The following NCOA7 variants were observed in gnomAD, a reference collection of about 807,000 sequenced individuals.
NCOA7 encodes 140 kDa estrogen receptor-associated protein.
NCOA7 carries 45 observed loss-of-function variants against 104.3 expected under a neutral mutation model. The observed-to-expected ratio is 0.43, with a 90% CI of 0.34 to 0.55. The LOEUF (loss-of-function observed/expected upper bound fraction) is 0.55. NCOA7 is among the 20% of genes least tolerant of loss of function. The pLI is 0.02. For missense variants in NCOA7, 1,041 were observed against 1,119.7 expected (o/e 0.93, Z 1.00); for synonymous variants, 398 against 402.3 (o/e 0.99, Z 0.13).
rs1349442308 is a variant in NCOA7 at position 125,881,195 on chromosome 6, A to G, written c.565A>G (p.Lys189Glu). 3.7e-6 allele frequency: 6 copies of G among 1,606,840 alleles called. No individual in the cohort carries two copies. Among genetic ancestry groups the G allele is most frequent in the Non-Finnish European group, 5.1e-6 (6 of 1,173,468 alleles). Residue 189 changes from lysine to glutamate, a missense_variant, in exon 6 of 16, where the codon AAA (lysine) becomes GAA (glutamate). By Grantham distance (56) the Lys-to-Glu change is moderately conservative. Around this residue, in one of 2 missense-constraint regions of NCOA7, gnomAD observed 914 missense variants for 942.7 expected, o/e 0.97. Transcript: ENST00000392477. ...SPSSSDAEYDKLPDADLARKA... is the reference protein window; with the variant it reads ...SPSSSDAEYDELPDADLARKA... ...TTCATCATCAGATGCAGAATATGAT[A>G]AATTGCCTGTATGTATATTATGCAC...
chr6:125,826,923 C>T (rs944776326), intron 2 of NCOA7, among the ~76,000 whole-genome samples: 2 of 151,978 alleles, frequency 1.3e-5, no homozygotes, highest in African/African-American at 2.4e-5. Flanking sequence ...GTGGGCTGGG[C>T]GCGGTGACCC....
rs1342435865 is a variant in NCOA7 at position 125,895,865 on chromosome 6, A to T, written c.2096+5055A>T. On this transcript the variant is annotated intron_variant, in intron 10 of 15. Transcript: ENST00000392477. ...CCCACGACCCAAACACCTCCCACCA[A>T]CCCTCACCTCCAACACTGGGGATTA... Among the ~76,000 whole-genome samples, 2 of 151,314 alleles carry T rather than the reference A, an allele frequency of 1.3e-5. 1 individual carries two copies. The highest frequency in any genetic ancestry group is 1.3e-4 in the Admixed American group (2 of 15,152).
intron 12 of NCOA7, among the ~76,000 whole-genome samples, chr6:125,921,736 A>G (rs113064132): frequency 5.9e-5 from 9 of 152,330 alleles, no homozygotes; most frequent in South Asian, 2.1e-4. Context: ...GCTTTGATGT[A>G]TAGGGCTCAA....
At chr6:125,818,052 C>A (rs1777758304) in intron 2 of NCOA7, among the ~76,000 whole-genome samples, 1 of 151,026 alleles carries the variant, frequency 6.6e-6, no homozygotes, top group African/African-American at 2.4e-5. Flanking sequence ...TCTTCCTCCT[C>A]CCCCTTCCCG....
chr6:125,889,407 G>A lies in NCOA7; in HGVS notation c.1353G>A (p.Glu451=). ...SLDPEERKKA[E]SQINNSAVEM... The stretch of plus-strand genomic sequence containing the variant: ...ACCCAGAGGAACGAAAGAAAGCTGA[G>A]TCACAAATAAACAATTCTGCCGTGG... The change falls in exon 9 of 16, where the codon GAG becomes GAA. Residue 451 remains glutamate (E), a synonymous_variant. Coordinates refer to ENST00000392477, the MANE Select transcript of NCOA7 (RefSeq NM_181782.5). The A allele has an allele frequency of 3.1e-6, 5 of 1,613,868 alleles. No individual in the cohort carries two copies. Among genetic ancestry groups the A allele is most frequent in the Non-Finnish European group, 4.2e-6 (5 of 1,179,920 alleles).
intron 8 of NCOA7, 52 bp from the exon 9 acceptor site, chr6:125,888,887 T>C: frequency 7.2e-7 from 1 of 1,396,778 alleles, no homozygotes; most frequent in Non-Finnish European, 9.5e-7. Context: ...CCATTTTGTT[T>C]TTGGTTTTAT....
chr6:125,926,708 G>A (rs1222965120), intron 13 of NCOA7, among the ~76,000 whole-genome samples: 6 of 152,120 alleles, frequency 3.9e-5, no homozygotes, highest in Non-Finnish European at 8.8e-5. Context: ...AGTGTAAGTG[G>A]TGAAGAAGAC....
chr6:125,815,832 G>C (rs535974394), intron 2 of NCOA7, among the ~76,000 whole-genome samples: 2 of 152,196 alleles, frequency 1.3e-5, no homozygotes, highest in Non-Finnish European at 2.9e-5. Context: ...ATTTTTGTAG[G>C]TAGGTGAAAT....
intron 2 of NCOA7, among the ~76,000 whole-genome samples, chr6:125,838,994 C>T (rs1041965034): frequency 2.6e-5 from 4 of 152,102 alleles, no homozygotes; most frequent in Non-Finnish European, 4.4e-5. Flanking sequence ...GCACCACCTT[C>T]GCAGACGCAT....
intron 10 of NCOA7, among the ~76,000 whole-genome samples, chr6:125,913,113 T>C (rs1302678155): frequency 6.6e-5 from 10 of 152,320 alleles, no homozygotes; most frequent in African/African-American, 2.4e-4. Context: ...GAGTAGTTTA[T>C]TGTATAACAT....
At chr6:125,838,632 T>G (rs1467028505) in intron 2 of NCOA7, among the ~76,000 whole-genome samples, 1 of 152,104 alleles carries the variant, frequency 6.6e-6, no homozygotes, top group African/African-American at 2.4e-5. Flanking sequence ...ACCAGTTGAG[T>G]GTCCAACAAT....
chr6:125,887,757 A>G (rs1272613496), intron 8 of NCOA7, among the ~76,000 whole-genome samples: 2 of 152,238 alleles, frequency 1.3e-5, no homozygotes, highest in Admixed American at 1.3e-4. Context: ...TTTAGAAAAT[A>G]CAATTATTTC....
chr6:125,923,713 C>A (rs188856989), intron 13 of NCOA7, among the ~76,000 whole-genome samples: 74 of 152,318 alleles, frequency 4.9e-4, no homozygotes, highest in Non-Finnish European at 8.8e-4. Context: ...CAGCAAATAT[C>A]TAATTAGAGC....
At chr6:125,841,736 C>A (rs1417848737) in intron 2 of NCOA7, among the ~76,000 whole-genome samples, 2 of 152,054 alleles carry the variant, frequency 1.3e-5, no homozygotes, top group African/African-American at 2.4e-5. Context: ...GTCTACCACC[C>A]CAGAAATTCT....
chr6:125,892,685 A>C (rs1207549497), intron 10 of NCOA7, among the ~76,000 whole-genome samples: 1 of 152,152 alleles, frequency 6.6e-6, no homozygotes, highest in African/African-American at 2.4e-5. Context: ...AAAAACAAAC[A>C]AATAAACAAA....
At chr6:125,849,335 C>G (rs1780915894) in intron 2 of NCOA7, among the ~76,000 whole-genome samples, 2 of 152,160 alleles carry the variant, frequency 1.3e-5, no homozygotes, top group South Asian at 4.1e-4. Flanking sequence ...CCAAGAGATT[C>G]CAGAATTTAA....
At chr6:125,824,395 T>C (rs570325166) in intron 2 of NCOA7, among the ~76,000 whole-genome samples, 1 of 152,328 alleles carries the variant, frequency 6.6e-6, no homozygotes, top group East Asian at 1.9e-4. Context: ...CTTACTACTG[T>C]GGAGCTTTGG....
intron 3 of NCOA7, among the ~76,000 whole-genome samples, chr6:125,871,712 A>G (rs937732038): frequency 6.6e-6 from 1 of 152,104 alleles, no homozygotes; most frequent in Non-Finnish European, 1.5e-5. Context: ...AATACAAGAC[A>G]AGGCCAGGTG....
upstream of NCOA7, among the ~76,000 whole-genome samples, chr6:125,788,734 C>T (rs750327937): frequency 2.8e-4 from 37 of 133,336 alleles, no homozygotes; most frequent in Non-Finnish European, 5.2e-4. Context: ...AGTAGAGATG[C>T]GGTTTCACCA....
Sources: allele counts gnomAD v4.1 joint callset (sites outside exome capture counted in the v4.1 genomes callset), GRCh38; gene constraint gnomAD v4.1.1; regional missense constraint gnomAD v4.1.1; transcripts MANE v1.5; gene names NCBI Gene and HGNC (gene_info 2026-07-23, HGNC 2026-07-21).